The following SLC35F1 variants were observed in gnomAD, a reference collection of about 807,000 sequenced individuals.
SLC35F1 encodes solute carrier family 35 member F1, also known as chromosome 6 open reading frame 169.
In SLC35F1, 14 loss-of-function variants were observed where a neutral mutation model predicts 48.7. The observed-to-expected ratio is 0.29, with a 90% CI of 0.19 to 0.45. The LOEUF is 0.45. Among genes scored for constraint, SLC35F1 ranks in the 20% least tolerant of loss-of-function variants. The pLI is 1.00. For synonymous variants in SLC35F1, 190 were observed against 202.2 expected, an observed-to-expected ratio of 0.94 and a Z score of 0.51; for missense variants, 404 against 500.0, an observed-to-expected ratio of 0.81 and a Z score of 1.83.
chr6:118,168,826 GA>G (rs1774357064), intron 2 of SLC35F1, among the ~76,000 whole-genome samples: 1 of 152,122 alleles, frequency 6.6e-6, no homozygotes, highest in Non-Finnish European at 1.5e-5. Context: ...TAAAATATTA[GA>G]AAACCACTAT....
intron 3 of SLC35F1, among the ~76,000 whole-genome samples, chr6:118,260,164 G>C (rs1357931454): frequency 2.6e-5 from 4 of 152,090 alleles, no homozygotes; most frequent in Non-Finnish European, 5.9e-5. Flanking sequence ...GAAATAGTCA[G>C]AATAGGTAAA....
chr6:118,138,770 C>T (rs902572874), intron 1 of SLC35F1, among the ~76,000 whole-genome samples: 10 of 151,832 alleles, frequency 6.6e-5, no homozygotes, highest in African/African-American at 2.4e-4. Context: ...CCAAAATAAT[C>T]CATTTCATGC....
intron 1 of SLC35F1, among the ~76,000 whole-genome samples, chr6:118,063,308 A>G (rs1013245808): frequency 6.6e-6 from 1 of 152,042 alleles, no homozygotes; most frequent in Non-Finnish European, 1.5e-5. Flanking sequence ...GCAAGATTTT[A>G]TTTCTTTCTT....
chr6:117,920,550 T>C (rs1011671206), intron 1 of SLC35F1, among the ~76,000 whole-genome samples: 11 of 152,176 alleles, frequency 7.2e-5, no homozygotes, highest in Non-Finnish European at 1.2e-4. Flanking sequence ...TGGAATGAAA[T>C]TCATGTTCTG....
intron 2 of SLC35F1, among the ~76,000 whole-genome samples, chr6:118,200,741 G>A (rs968339761): frequency 5.3e-5 from 8 of 152,202 alleles, no homozygotes; most frequent in Non-Finnish European, 8.8e-5. Flanking sequence ...TTTTTCTATC[G>A]TAACAGTGCG....
chr6:118,161,656 AT>A (rs1380619862), intron 2 of SLC35F1, among the ~76,000 whole-genome samples: 1 of 152,140 alleles, frequency 6.6e-6, no homozygotes, highest in African/African-American at 2.4e-5. Context: ...CCTAAGTATG[AT>A]TGGAGAATTC....
Position 118,172,346 on chromosome 6 carries a change from T to C in SLC35F1, c.349+17726T>C, listed in dbSNP as rs1032627915. On this transcript the variant is annotated intron_variant, in intron 2 of 7. Coordinates refer to ENST00000360388, the MANE Select transcript of SLC35F1 (RefSeq NM_001029858.4). Reference sequence around the variant, plus strand: ...TGCAAGGTTATGCCCTTCAGCCAAATGTATCCTGCCTTTTTCTATAACCTA... The same window carrying C: ...TGCAAGGTTATGCCCTTCAGCCAAACGTATCCTGCCTTTTTCTATAACCTA... Among the ~76,000 whole-genome samples the C allele has an allele frequency of 3.9e-5, 6 of 152,278 alleles. No individual in the cohort carries two copies. In the East Asian group the frequency reaches 1.2e-3, roughly 29 times the overall value.
intron 1 of SLC35F1, among the ~76,000 whole-genome samples, chr6:117,985,343 GTC>G (rs1432661614): frequency 6.6e-6 from 1 of 152,166 alleles, no homozygotes; most frequent in Non-Finnish European, 1.5e-5. Context: ...TCATTTAAAT[GTC>G]TCTGTTTTTA....
intron 2 of SLC35F1, among the ~76,000 whole-genome samples, chr6:118,210,992 C>A (rs1774994314): frequency 6.6e-6 from 1 of 152,098 alleles, no homozygotes; most frequent in African/African-American, 2.4e-5. Flanking sequence ...AAAAGAGGTC[C>A]TATGGGTGGA....
intron 1 of SLC35F1, among the ~76,000 whole-genome samples, chr6:118,039,072 A>G (rs1487536433): frequency 1.3e-5 from 2 of 152,200 alleles, no homozygotes; most frequent in Admixed American, 6.5e-5. Context: ...AAGATTCCTT[A>G]GAGTTTTGAA....
intron 1 of SLC35F1, among the ~76,000 whole-genome samples, chr6:118,096,368 G>C (rs1156880555): frequency 5.9e-5 from 9 of 152,136 alleles, no homozygotes; most frequent in African/African-American, 2.2e-4. Context: ...GAGTTAAAAA[G>C]AGTAAAGCCA....
chr6:117,923,820 T>TATATATACATATATGTAC (rs1582565126), intron 1 of SLC35F1, among the ~76,000 whole-genome samples: 3 of 142,404 alleles, frequency 2.1e-5, no homozygotes, highest in Admixed American at 1.4e-4. Context: ...CATACATATG[T>TATATATACATATATGTAC]ATATATACAT....
At chr6:118,213,002 C>G (rs1775026181) in intron 2 of SLC35F1, among the ~76,000 whole-genome samples, 1 of 152,128 alleles carries the variant, frequency 6.6e-6, no homozygotes, top group African/African-American at 2.4e-5. Flanking sequence ...AGAAAGAACA[C>G]TGAGAGGTGG....
chr6:118,216,845 C>G (rs1006099952), intron 2 of SLC35F1, among the ~76,000 whole-genome samples: 12 of 152,088 alleles, frequency 7.9e-5, no homozygotes, highest in African/African-American at 2.9e-4. Flanking sequence ...CAAAACAGTA[C>G]CTACCCAGAT....
intron 2 of SLC35F1, among the ~76,000 whole-genome samples, chr6:118,196,997 A>G (rs1489070680): frequency 6.6e-6 from 1 of 151,058 alleles, no homozygotes; most frequent in Non-Finnish European, 1.5e-5. Flanking sequence ...AAATTACTTG[A>G]CCATTTTAGA....
At chr6:118,221,089 T>C (rs960215463) in intron 2 of SLC35F1, among the ~76,000 whole-genome samples, 1 of 152,154 alleles carries the variant, frequency 6.6e-6, no homozygotes, top group Non-Finnish European at 1.5e-5. Flanking sequence ...GTGTTAGATA[T>C]TACTGTGTCC....
intron 1 of SLC35F1, among the ~76,000 whole-genome samples, chr6:118,061,346 G>A (rs143636836): frequency 1.3e-5 from 2 of 152,192 alleles, no homozygotes; most frequent in East Asian, 3.9e-4. Context: ...GGAAATAGAT[G>A]GTACAACCTA....
intron 3 of SLC35F1, among the ~76,000 whole-genome samples, chr6:118,244,792 A>G (rs1775486157): frequency 2.0e-5 from 3 of 152,232 alleles, no homozygotes; most frequent in Admixed American, 2.0e-4. Flanking sequence ...TCAATTCCTA[A>G]TGTTTGAATA....
chr6:118,167,084 C>T (rs940626636), intron 2 of SLC35F1, among the ~76,000 whole-genome samples: 5 of 152,046 alleles, frequency 3.3e-5, no homozygotes, highest in Admixed American at 1.3e-4. Context: ...CAAGTGCCTT[C>T]GGGGGGCTTT....
Sources: allele counts gnomAD v4.1 joint callset (sites outside exome capture counted in the v4.1 genomes callset), GRCh38; gene constraint gnomAD v4.1.1; transcripts MANE v1.5; gene names NCBI Gene and HGNC (gene_info 2026-07-23, HGNC 2026-07-21).